Variants in BLTP3A observed in about 807,000 individuals in gnomAD.
The protein encoded by BLTP3A is ICBP90 binding protein 1.
chr6:34,813,167 A>G, the BLTP3A span, among the ~76,000 whole-genome samples: 713 of 152,322 alleles, frequency 4.7e-3, 14 homozygotes, highest in African/African-American at 0.016. Flanking sequence ...CCCAATAAAG[A>G]TGCTGAATTA....
the BLTP3A span, among the ~76,000 whole-genome samples, chr6:34,817,468 C>G: frequency 1.3e-5 from 2 of 151,276 alleles, no homozygotes; most frequent in African/African-American, 4.9e-5. Context: ...TTATTAACTC[C>G]TACTGTTTCA....
the BLTP3A span, among the ~76,000 whole-genome samples, chr6:34,831,869 C>T: frequency 2.0e-5 from 3 of 152,144 alleles, no homozygotes; most frequent in Non-Finnish European, 2.9e-5. Context: ...GGCTGGAGTG[C>T]AGTGGCATGA....
the BLTP3A span, among the ~76,000 whole-genome samples, chr6:34,798,556 A>G: frequency 7.0e-6 from 1 of 143,304 alleles, no homozygotes; most frequent in African/African-American, 2.7e-5. Flanking sequence ...TTTGCATTGT[A>G]GCCATTCTGG....
the BLTP3A span, among the ~76,000 whole-genome samples, chr6:34,870,610 G>A: frequency 6.6e-6 from 1 of 152,244 alleles, no homozygotes; most frequent in Admixed American, 6.5e-5. Context: ...CTTCCACCTT[G>A]CAAGGCATTA....
the BLTP3A span, chr6:34,857,631 C>G: frequency 6.8e-7 from 1 of 1,464,540 alleles, no homozygotes; most frequent in Non-Finnish European, 9.3e-7. Context: ...AAATGTGTAC[C>G]TTTGCTCTGT....
chr6:34,847,920 C>CTT, the BLTP3A span, among the ~76,000 whole-genome samples: 2 of 66,852 alleles, frequency 3.0e-5, no homozygotes, highest in East Asian at 9.2e-4. Context: ...TTCTTTTTTT[C>CTT]CTTTTTTTTT....
the BLTP3A span, among the ~76,000 whole-genome samples, chr6:34,843,971 A>ATTTTGT: frequency 1.4e-4 from 21 of 151,716 alleles, no homozygotes; most frequent in East Asian, 9.6e-4. Context: ...TTGTAGTTTT[A>ATTTTGT]TTTTGTTTTT....
At chr6:34,828,563 T>C in the BLTP3A span, among the ~76,000 whole-genome samples, 1 of 152,042 alleles carries the variant, frequency 6.6e-6, no homozygotes, top group East Asian at 1.9e-4. Flanking sequence ...AGAATATGCT[T>C]ATCTTTTGGA....
At chr6:34,821,535 A>G in the BLTP3A span, 1 of 989,886 alleles carries the variant, frequency 1.0e-6, no homozygotes, top group Non-Finnish European at 1.5e-6. Flanking sequence ...TCACTTGACT[A>G]GCCTTAACAA....
At chr6:34,802,404 A>G in the BLTP3A span, among the ~76,000 whole-genome samples, 65,726 of 143,076 alleles carry the variant, frequency 0.46, 16,532 homozygotes, top group African/African-American at 0.71. Context: ...GAGTCTTGCC[A>G]TGTTGCCCAG....
the BLTP3A span, among the ~76,000 whole-genome samples, chr6:34,846,331 G>A: frequency 4.3e-4 from 66 of 151,898 alleles, 1 homozygote; most frequent in Non-Finnish European, 6.2e-4. Flanking sequence ...TTTTAGTAGG[G>A]ATGGGGTTTC....
the BLTP3A span, among the ~76,000 whole-genome samples, chr6:34,868,135 T>A: frequency 2.7e-5 from 4 of 150,188 alleles, no homozygotes; most frequent in East Asian, 8.0e-4. Flanking sequence ...GGTAAAACGC[T>A]GTCTCTACTA....
At chr6:34,834,249 G>A in the BLTP3A span, 2 of 1,613,792 alleles carry the variant, frequency 1.2e-6, no homozygotes, top group Non-Finnish European at 1.7e-6. Flanking sequence ...GTGGTGGAAG[G>A]GATGTTCATC....
the BLTP3A span, among the ~76,000 whole-genome samples, chr6:34,798,979 T>C: frequency 1.3e-5 from 2 of 152,176 alleles, no homozygotes; most frequent in Non-Finnish European, 2.9e-5. Context: ...TCTCGCTCTG[T>C]TGCCCAGGCT....
At chr6:34,865,839 G>T in the BLTP3A span, among the ~76,000 whole-genome samples, 4 of 152,168 alleles carry the variant, frequency 2.6e-5, no homozygotes, top group Non-Finnish European at 5.9e-5. Context: ...TCTTATGGAA[G>T]ATTTCATGTC....
the BLTP3A span, among the ~76,000 whole-genome samples, chr6:34,836,649 CT>C: frequency 6.6e-6 from 1 of 152,034 alleles, no homozygotes; most frequent in Non-Finnish European, 1.5e-5. Flanking sequence ...GCAGTGTAAA[CT>C]TTTTTTTCCC....
the BLTP3A span, among the ~76,000 whole-genome samples, chr6:34,814,509 C>T: frequency 6.6e-6 from 1 of 152,182 alleles, no homozygotes; most frequent in Non-Finnish European, 1.5e-5. Flanking sequence ...GAGGACCGCT[C>T]ATGGTGGTCC....
At chr6:34,821,209 G>A in the BLTP3A span, among the ~76,000 whole-genome samples, 1 of 152,130 alleles carries the variant, frequency 6.6e-6, no homozygotes, top group East Asian at 1.9e-4. Context: ...ACCCGCCTTG[G>A]CCTCCCGAAG....
chr6:34,871,591 TC>T, the BLTP3A span: 3 of 1,612,438 alleles, frequency 1.9e-6, no homozygotes, highest in Non-Finnish European at 1.7e-6. Flanking sequence ...CAGGATGATA[TC>T]CCCCCCATCT....
Sources: allele counts gnomAD v4.1 joint callset (sites outside exome capture counted in the v4.1 genomes callset), GRCh38; gene constraint gnomAD v4.1.1; transcripts MANE v1.5; gene names NCBI Gene and HGNC (gene_info 2026-07-23, HGNC 2026-07-21).